Variants in SCMH1 observed in about 807,000 individuals in gnomAD.
SCMH1 encodes the protein polycomb protein SCMH1.
SCMH1 carries 37 observed loss-of-function variants against 70.8 expected under a neutral mutation model. The ratio of observed to expected loss-of-function variants is 0.52; its 90% CI spans 0.40 to 0.69. The LOEUF is 0.69. Among genes scored for constraint, SCMH1 ranks in the 30% least tolerant of loss-of-function variants. The probability of loss-of-function intolerance (pLI) is 0.00; values close to 1 mark genes in which losing one functional copy is unlikely to be tolerated. For missense variants in SCMH1, 607 were observed against 827.3 expected (o/e 0.73, Z 3.27); for synonymous variants, 292 against 307.4 (o/e 0.95, Z 0.52).
chr1:41,129,486 G>A (rs576200654), intron 6 of SCMH1, among the ~76,000 whole-genome samples: 1 of 152,066 alleles, frequency 6.6e-6, no homozygotes, highest in Non-Finnish European at 1.5e-5. Context: ...ATTTCACTTA[G>A]CATGTCGTCG....
intron 2 of SCMH1, 107 bp downstream of exon 2, chr1:41,186,014 A>C: frequency 8.2e-7 from 1 of 1,226,954 alleles, no homozygotes; most frequent in Non-Finnish European, 1.1e-6. Flanking sequence ...GGCTATAAAG[A>C]AAAGGATAAC....
chr1:41,134,268 T>A lies in SCMH1; in HGVS notation c.412+8610A>T, dbSNP rs184523472. ...CTAAAAACTCTCAATAAATTAGGTA[T>A]TGATGGGACGTATCTCAAAATAATA... On this transcript the variant is annotated intron_variant, in intron 6 of 14. Transcript: ENST00000337495. Among the ~76,000 whole-genome samples the A allele has an allele frequency of 3.1e-3, 468 of 152,288 alleles. 1 individual carries two copies. The highest frequency in any genetic ancestry group is 5.0e-3 in the Non-Finnish European group (339 of 68,024).
chr1:41,158,892 C>T (rs1195017442), intron 4 of SCMH1, among the ~76,000 whole-genome samples: 2 of 152,076 alleles, frequency 1.3e-5, no homozygotes, highest in African/African-American at 2.4e-5. Context: ...ATAGGCTAAC[C>T]CTGTTTCATA....
intron 1 of SCMH1, among the ~76,000 whole-genome samples, chr1:41,238,102 A>C (rs1266239069): frequency 6.6e-6 from 1 of 152,212 alleles, no homozygotes; most frequent in Admixed American, 6.5e-5. Context: ...TACAGTCATA[A>C]AGCTAGTAAG....
chr1:41,087,288 TAG>T (rs1662000304), intron 8 of SCMH1, among the ~76,000 whole-genome samples: 1 of 152,070 alleles, frequency 6.6e-6, no homozygotes, highest in South Asian at 2.1e-4. Context: ...GAGGAAAATA[TAG>T]GTGAATTCCT....
At chr1:41,047,084 T>C (rs1571439174) in intron 11 of SCMH1, among the ~76,000 whole-genome samples, 1 of 152,378 alleles carries the variant, frequency 6.6e-6, no homozygotes, top group East Asian at 1.9e-4. Flanking sequence ...TGTTTCATGC[T>C]TGGTGTTAGT....
intron 12 of SCMH1, among the ~76,000 whole-genome samples, chr1:41,042,310 G>A (rs1571351046): frequency 6.6e-6 from 1 of 151,700 alleles, no homozygotes; most frequent in South Asian, 2.1e-4. Context: ...GTGCAATGGT[G>A]CGATCTCAGC....
intron 1 of SCMH1, among the ~76,000 whole-genome samples, chr1:41,232,849 A>G (rs1400215212): frequency 6.6e-6 from 1 of 152,232 alleles, no homozygotes; most frequent in East Asian, 1.9e-4. Context: ...GCTGATTGTT[A>G]CTTTCACAAA....
At chr1:41,182,026 A>G (rs530116244) in intron 2 of SCMH1, among the ~76,000 whole-genome samples, 1 of 152,240 alleles carries the variant, frequency 6.6e-6, no homozygotes, top group Non-Finnish European at 1.5e-5. Context: ...GTCATAAAAA[A>G]TGATGAGTTC....
chr1:41,085,520 T>C (rs1037917641), intron 8 of SCMH1, among the ~76,000 whole-genome samples: 2 of 152,114 alleles, frequency 1.3e-5, no homozygotes, highest in Non-Finnish European at 2.9e-5. Context: ...AACCAAAGTA[T>C]TAAAGATAAG....
chr1:41,037,665 C>G, intron 12 of SCMH1, 124 bp from the exon 13 acceptor site: 1 of 781,780 alleles, frequency 1.3e-6, no homozygotes, highest in Non-Finnish European at 2.1e-6. Context: ...CTCAGGAGGC[C>G]TGTGTACCAG....
chr1:41,191,473 A>G (rs1651704665), intron 1 of SCMH1, among the ~76,000 whole-genome samples: 1 of 152,206 alleles, frequency 6.6e-6, no homozygotes, highest in African/African-American at 2.4e-5. Context: ...GATTTCATAT[A>G]TTGGATTTTC....
intron 1 of SCMH1, among the ~76,000 whole-genome samples, chr1:41,234,254 C>T (rs1352924880): frequency 6.6e-6 from 1 of 152,026 alleles, no homozygotes; most frequent in African/African-American, 2.4e-5. Context: ...GACAACATAG[C>T]AAGACCCCTG....
intron 12 of SCMH1, chr1:41,041,462 G>A (rs1482650495): frequency 6.6e-6 from 1 of 152,148 alleles, no homozygotes; most frequent in Admixed American, 6.5e-5. Context: ...AAAGAAACAG[G>A]ATATTAAGAT....
At chr1:41,116,525 T>C (rs1040367371) in intron 7 of SCMH1, among the ~76,000 whole-genome samples, 2 of 152,238 alleles carry the variant, frequency 1.3e-5, no homozygotes, top group Admixed American at 6.5e-5. Context: ...AGATAGTATA[T>C]ATAAAGTCCC....
At chr1:41,227,682 G>A (rs533959355) in intron 1 of SCMH1, among the ~76,000 whole-genome samples, 4 of 152,256 alleles carry the variant, frequency 2.6e-5, no homozygotes, top group African/African-American at 7.2e-5. Flanking sequence ...ACAGTTATAG[G>A]TAAAGAAAGG....
At chr1:41,056,339 C>G (rs1650290517) in intron 10 of SCMH1, among the ~76,000 whole-genome samples, 1 of 152,194 alleles carries the variant, frequency 6.6e-6, no homozygotes, top group Admixed American at 6.5e-5. Context: ...CAGAGATGAG[C>G]TGTATTCATT....
chr1:41,044,794 T>G (rs759833832), intron 12 of SCMH1, among the ~76,000 whole-genome samples: 2 of 151,920 alleles, frequency 1.3e-5, no homozygotes, highest in Non-Finnish European at 2.9e-5. Flanking sequence ...ATCAGAGAGA[T>G]GTAAATTGGG....
chr1:41,075,432 G>A (rs774086021), exon 9 of SCMH1: 2 of 1,614,024 alleles, frequency 1.2e-6, no homozygotes, highest in South Asian at 1.1e-5. Context: ...AGGCAGGATA[G>A]GGATTCTTTG....
Sources: allele counts gnomAD v4.1 joint callset (sites outside exome capture counted in the v4.1 genomes callset), GRCh38; gene constraint gnomAD v4.1.1; transcripts MANE v1.5; gene names NCBI Gene and HGNC (gene_info 2026-07-23, HGNC 2026-07-21).